Variants in CCDC192 observed in about 807,000 individuals in gnomAD.
The protein encoded by CCDC192 is coiled-coil domain-containing protein 192.
chr5:127,791,473 C>G (rs534942448), intron 3 of CCDC192, among the ~76,000 whole-genome samples: 1 of 152,176 alleles, frequency 6.6e-6, no homozygotes, highest in Non-Finnish European at 1.5e-5. Context: ...AACTACTGAA[C>G]TGGCAAGAAC....
In CCDC192 at chr5:127,884,203, C is replaced by T. The variant is rs575288048; in HGVS notation, c.535+8542C>T. Reference sequence around the variant, plus strand: ...CTAAAAATACAAAAAATTAGCCAGGCGTGGTGGCGGGCGCCTGTAGTCCCA... The same window carrying T: ...CTAAAAATACAAAAAATTAGCCAGGTGTGGTGGCGGGCGCCTGTAGTCCCA... On this transcript the variant is annotated intron_variant, in intron 6 of 6. Transcript: ENST00000514853. 2.8e-3 allele frequency among the ~76,000 whole-genome samples: 417 copies of T among 151,568 alleles called. 9 individuals carry two copies. The highest frequency in any genetic ancestry group is 3.4e-4 in the Non-Finnish European group (23 of 67,850).
intron 2 of CCDC192, among the ~76,000 whole-genome samples, chr5:127,723,540 C>T (rs1301014006): frequency 2.0e-5 from 3 of 152,186 alleles, no homozygotes; most frequent in African/African-American, 4.8e-5. Flanking sequence ...ATTAATCAGT[C>T]TGACTTTGAA....
intron 3 of CCDC192, chr5:127,785,100 G>T (rs1031700415): frequency 5.8e-5 from 30 of 518,092 alleles, no homozygotes; most frequent in Non-Finnish European, 1.0e-4. Flanking sequence ...CTTCTGTGTT[G>T]TACTGAAGCA....
At chr5:127,733,893 T>C (rs1193253556) in intron 2 of CCDC192, among the ~76,000 whole-genome samples, 1 of 150,788 alleles carries the variant, frequency 6.6e-6, no homozygotes, top group Non-Finnish European at 1.5e-5. Context: ...ACCTGAGAAT[T>C]TGTCAGCCAT....
At chr5:127,761,485 C>A (rs1239422425) in intron 3 of CCDC192, among the ~76,000 whole-genome samples, 1 of 152,128 alleles carries the variant, frequency 6.6e-6, no homozygotes, top group Admixed American at 6.5e-5. Context: ...CTGAGAATAA[C>A]CTTGTGGGCC....
intron 6 of CCDC192, among the ~76,000 whole-genome samples, chr5:127,917,861 C>G (rs550548509): frequency 6.6e-6 from 1 of 152,016 alleles, no homozygotes; most frequent in African/African-American, 2.4e-5. Flanking sequence ...GCACTAAAAC[C>G]GGGCATGGTG....
intron 5 of CCDC192, among the ~76,000 whole-genome samples, chr5:127,861,661 A>C (rs1237117162): frequency 1.3e-5 from 2 of 152,072 alleles, no homozygotes; most frequent in Non-Finnish European, 2.9e-5. Context: ...CTCAAAAAAA[A>C]ATTTTTTTTT....
intron 5 of CCDC192, among the ~76,000 whole-genome samples, chr5:127,805,114 A>G (rs1757712306): frequency 6.6e-6 from 1 of 152,206 alleles, no homozygotes. Context: ...TATGTGCTCT[A>G]GAAGCATCAC....
intron 5 of CCDC192, among the ~76,000 whole-genome samples, chr5:127,827,398 C>T (rs939512571): frequency 3.9e-5 from 6 of 152,138 alleles, no homozygotes; most frequent in South Asian, 2.1e-4. Context: ...AAATATCCAC[C>T]GTGTCCTTCG....
At chr5:127,883,185 C>G (rs1752423432) in intron 6 of CCDC192, among the ~76,000 whole-genome samples, 1 of 152,290 alleles carries the variant, frequency 6.6e-6, no homozygotes, top group Middle Eastern at 3.4e-3. Flanking sequence ...CAGAAAATGA[C>G]AAGAACTTAT....
chr5:127,809,051 A>C (rs1218379576), intron 5 of CCDC192, among the ~76,000 whole-genome samples: 2 of 152,210 alleles, frequency 1.3e-5, no homozygotes, highest in African/African-American at 4.8e-5. Context: ...AAATCAAATA[A>C]AAATTTGCAT....
chr5:127,816,234 AG>A, intron 5 of CCDC192, among the ~76,000 whole-genome samples: 1 of 152,326 alleles, frequency 6.6e-6, no homozygotes, highest in Middle Eastern at 3.4e-3. Context: ...AACATTACAA[AG>A]GGTTCAAATT....
chr5:127,763,360 CTGAG>C (rs1359530229), intron 3 of CCDC192, among the ~76,000 whole-genome samples: 2 of 152,172 alleles, frequency 1.3e-5, no homozygotes, highest in East Asian at 3.8e-4. Context: ...CAATCAATTG[CTGAG>C]TACTACAGGT....
chr5:127,778,734 TG>T (rs967352062), intron 3 of CCDC192, among the ~76,000 whole-genome samples: 5 of 151,962 alleles, frequency 3.3e-5, no homozygotes, highest in African/African-American at 1.2e-4. Context: ...GGCTTTTCTT[TG>T]TTGGGAGTTT....
At chr5:127,858,466 T>A (rs1276316153) in intron 5 of CCDC192, among the ~76,000 whole-genome samples, 1 of 152,238 alleles carries the variant, frequency 6.6e-6, no homozygotes, top group East Asian at 1.9e-4. Flanking sequence ...AGGTCACTTT[T>A]CTTATCATAA....
At chr5:127,886,076 T>C (rs1277996960) in intron 6 of CCDC192, among the ~76,000 whole-genome samples, 1 of 152,188 alleles carries the variant, frequency 6.6e-6, no homozygotes, top group East Asian at 1.9e-4. Flanking sequence ...CTGGCAAGAC[T>C]GAAAATGTTA....
intron 2 of CCDC192, among the ~76,000 whole-genome samples, chr5:127,711,095 C>T (rs750518688): frequency 9.2e-5 from 14 of 152,132 alleles, no homozygotes; most frequent in African/African-American, 1.2e-4. Context: ...AATAGGATCA[C>T]GACTGCTCCC....
chr5:127,899,205 C>A (rs531317989), intron 6 of CCDC192, among the ~76,000 whole-genome samples: 2 of 152,034 alleles, frequency 1.3e-5, no homozygotes, highest in African/African-American at 4.8e-5. Flanking sequence ...TTCAATAAAG[C>A]GAAAGAAATG....
chr5:127,788,944 A>G (rs965626644), intron 3 of CCDC192, among the ~76,000 whole-genome samples: 6 of 152,206 alleles, frequency 3.9e-5, no homozygotes, highest in Non-Finnish European at 8.8e-5. Context: ...TGCCCTTATA[A>G]GAAGAGAAGG....
Sources: allele counts gnomAD v4.1 joint callset (sites outside exome capture counted in the v4.1 genomes callset), GRCh38; gene constraint gnomAD v4.1.1; transcripts MANE v1.5; gene names NCBI Gene and HGNC (gene_info 2026-07-23, HGNC 2026-07-21).